The following SEMA6D variants were observed in gnomAD, a reference collection of about 807,000 sequenced individuals.
SEMA6D encodes the protein semaphorin-6D.
Under a neutral mutation model 106.6 loss-of-function variants are expected in SEMA6D, and 35 were observed. The ratio of observed to expected loss-of-function variants is 0.33; its 90% CI spans 0.25 to 0.44. The LOEUF (loss-of-function observed/expected upper bound fraction) is 0.44, where lower values mean the gene tolerates loss of function less well. Among genes scored for constraint, SEMA6D ranks in the 20% least tolerant of loss-of-function variants. The pLI, the probability that SEMA6D is intolerant of heterozygous loss-of-function variation, is 1.00. For synonymous variants in SEMA6D, 499 were observed against 487.7 expected, an observed-to-expected ratio of 1.02 and a Z score of -0.31; for missense variants, 1,185 against 1,345.9, an observed-to-expected ratio of 0.88 and a Z score of 1.87.
At chr15:47,495,482 G>T (rs1034999415) in intron 3 of SEMA6D, among the ~76,000 whole-genome samples, 2 of 151,876 alleles carry the variant, frequency 1.3e-5, no homozygotes, top group Admixed American at 6.6e-5. Context: ...TCCCCTAATA[G>T]TTCCATTACT....
chr15:47,410,909 A>G (rs1327342361), intron 1 of SEMA6D, among the ~76,000 whole-genome samples: 1 of 152,210 alleles, frequency 6.6e-6, no homozygotes, highest in Middle Eastern at 3.2e-3. Context: ...TGCAAGATTC[A>G]GACCATAATA....
chr15:47,348,351 G>C (rs1442437510), intron 1 of SEMA6D, among the ~76,000 whole-genome samples: 1 of 151,990 alleles, frequency 6.6e-6, no homozygotes, highest in African/African-American at 2.4e-5. Flanking sequence ...TTCATCATAG[G>C]GATGGTATAA....
chr15:47,207,835 A>C (rs183476355), intron 1 of SEMA6D, among the ~76,000 whole-genome samples: 5 of 152,172 alleles, frequency 3.3e-5, no homozygotes, highest in Admixed American at 3.3e-4. Flanking sequence ...CTAGTACGAG[A>C]TCAGAGTACC....
chr15:47,352,700 G>A (rs1190516042), intron 1 of SEMA6D, among the ~76,000 whole-genome samples: 1 of 152,178 alleles, frequency 6.6e-6, no homozygotes, highest in Non-Finnish European at 1.5e-5. Flanking sequence ...AAAAGAGATA[G>A]GGGTGAAGGC....
intron 3 of SEMA6D, chr15:47,527,868 A>T (rs2044815243): frequency 6.6e-6 from 1 of 152,192 alleles, no homozygotes; most frequent in Non-Finnish European, 1.5e-5. Context: ...TCCCCTGCAG[A>T]TTTCAAGATA....
chr15:47,429,776 G>A (rs1279890739), intron 2 of SEMA6D, among the ~76,000 whole-genome samples: 4 of 152,058 alleles, frequency 2.6e-5, no homozygotes, highest in African/African-American at 7.2e-5. Context: ...TTTAAAAAAT[G>A]TCTGTTCTTG....
intron 4 of SEMA6D, among the ~76,000 whole-genome samples, chr15:47,659,951 A>G (rs1436750960): frequency 1.3e-5 from 2 of 152,074 alleles, no homozygotes; most frequent in Admixed American, 1.3e-4. Context: ...TAAGTGATAC[A>G]TATTAACTTT....
At chr15:47,555,496 A>G (rs2045889904) in intron 3 of SEMA6D, among the ~76,000 whole-genome samples, 1 of 152,218 alleles carries the variant, frequency 6.6e-6, no homozygotes, top group Non-Finnish European at 1.5e-5. Context: ...GTAAGCAAGT[A>G]ATATGAACTA....
At chr15:47,379,683 GAAAT>G (rs2039571576) in intron 1 of SEMA6D, among the ~76,000 whole-genome samples, 2 of 152,192 alleles carry the variant, frequency 1.3e-5, no homozygotes, top group Admixed American at 6.5e-5. Context: ...TTTAATGAGA[GAAAT>G]AGTCTTCACA....
intron 1 of SEMA6D, among the ~76,000 whole-genome samples, chr15:47,267,330 A>T (rs1174942472): frequency 6.6e-6 from 1 of 151,822 alleles, no homozygotes; most frequent in African/African-American, 2.4e-5. Context: ...TCTACTTGGA[A>T]GTAACTTTAT....
chr15:47,393,886 C>T (rs890366518), intron 1 of SEMA6D, among the ~76,000 whole-genome samples: 3 of 152,122 alleles, frequency 2.0e-5, no homozygotes, highest in Non-Finnish European at 4.4e-5. Context: ...GCTTTATCCG[C>T]ACTGGCATGT....
At chr15:47,695,655 ATAT>A (rs1596661199) in intron 4 of SEMA6D, among the ~76,000 whole-genome samples, 1 of 152,106 alleles carries the variant, frequency 6.6e-6, no homozygotes, top group East Asian at 1.9e-4. Context: ...TAGAAGCATA[ATAT>A]TTGTTATCTA....
chr15:47,422,166 C>CTG (rs1451315328), intron 2 of SEMA6D, among the ~76,000 whole-genome samples: 5,025 of 104,462 alleles, frequency 0.048, 403 homozygotes, highest in African/African-American at 0.15. Context: ...TATTTTTTGC[C>CTG]CGCCCGCCTG....
chr15:47,344,931 A>G (rs974307868), intron 1 of SEMA6D, among the ~76,000 whole-genome samples: 2 of 152,358 alleles, frequency 1.3e-5, no homozygotes, highest in Non-Finnish European at 2.9e-5. Flanking sequence ...GGAAATTGAT[A>G]TAAAAAGTTA....
chr15:47,495,812 A>C (rs1052326620), intron 3 of SEMA6D, among the ~76,000 whole-genome samples: 1 of 152,120 alleles, frequency 6.6e-6, no homozygotes, highest in African/African-American at 2.4e-5. Flanking sequence ...TTCTAAATTT[A>C]GTCTTATAAG....
rs201448998 is a variant in SEMA6D at position 47,529,614 on chromosome 15, A to AC, written c.-87+59069_-87+59070insC. ...AGTATCTGTAGCACTAAAAAAAAAA[A>AC]AAAAAACAAGTCATCTTCACTTTGA... On this transcript the variant is annotated intron_variant, in intron 3 of 19. Coordinates refer to the SEMA6D transcript ENST00000558014. 8.8e-3 allele frequency among the ~76,000 whole-genome samples: 1,333 copies of AC among 151,490 alleles called. 18 individuals carry two copies. Among genetic ancestry groups the AC allele is most frequent in the African/African-American group, 0.031 (1,278 of 41,228 alleles).
intron 3 of SEMA6D, among the ~76,000 whole-genome samples, chr15:47,513,504 T>G (rs1275696699): frequency 6.6e-6 from 1 of 152,066 alleles, no homozygotes; most frequent in Non-Finnish European, 1.5e-5. Context: ...GCCTTAGGCA[T>G]GGGTAGAATG....
intron 1 of SEMA6D, among the ~76,000 whole-genome samples, chr15:47,300,241 C>T (rs2142990996): frequency 6.6e-6 from 1 of 152,268 alleles, no homozygotes; most frequent in East Asian, 1.9e-4. Context: ...TTCCAGTCTT[C>T]AGGGCATTTC....
chr15:47,657,592 T>C (rs1186325470), intron 4 of SEMA6D, among the ~76,000 whole-genome samples: 1 of 151,898 alleles, frequency 6.6e-6, no homozygotes, highest in Admixed American at 6.6e-5. Flanking sequence ...CTAAAAATTA[T>C]AATGCATGTT....
Sources: allele counts gnomAD v4.1 joint callset (sites outside exome capture counted in the v4.1 genomes callset), GRCh38; gene constraint gnomAD v4.1.1; transcripts MANE v1.5; gene names NCBI Gene and HGNC (gene_info 2026-07-23, HGNC 2026-07-21).